The following NRG3 variants were observed in gnomAD, a reference collection of about 807,000 sequenced individuals.
NRG3 encodes neuregulin 3, also known as pro-neuregulin-3, membrane-bound isoform.
Under a neutral mutation model 66.9 loss-of-function variants are expected in NRG3, and 31 were observed. That is an observed-to-expected ratio of 0.46 (90% CI 0.35 to 0.63). The LOEUF is 0.63. Among genes scored for constraint, NRG3 ranks in the 20% least tolerant of loss-of-function variants. The pLI, the probability that NRG3 is intolerant of heterozygous loss-of-function variation, is 0.00. For missense variants in NRG3, 910 were observed against 878.9 expected, an observed-to-expected ratio of 1.04 and a Z score of -0.45; for synonymous variants, 393 against 359.4, an observed-to-expected ratio of 1.09 and a Z score of -1.06.
chr10:82,459,782 A>G (rs1319781649), intron 2 of NRG3, among the ~76,000 whole-genome samples: 1 of 152,228 alleles, frequency 6.6e-6, no homozygotes, highest in Non-Finnish European at 1.5e-5. Flanking sequence ...CATTTCTTTC[A>G]GGAGCTGGAA....
intron 1 of NRG3, among the ~76,000 whole-genome samples, chr10:82,093,697 A>G (rs2132021123): frequency 6.6e-6 from 1 of 152,310 alleles, no homozygotes; most frequent in Admixed American, 6.5e-5. Context: ...CCACCTCTTC[A>G]CTGGAGAATC....
intron 3 of NRG3, among the ~76,000 whole-genome samples, chr10:82,832,423 G>A (rs1376918318): frequency 6.6e-6 from 1 of 152,024 alleles, no homozygotes; most frequent in African/African-American, 2.4e-5. Flanking sequence ...TGTCCTCTAG[G>A]TGCCATCATT....
At chr10:82,928,627 A>T (rs1343869505) in intron 4 of NRG3, among the ~76,000 whole-genome samples, 2 of 43,668 alleles carry the variant, frequency 4.6e-5, no homozygotes, top group Admixed American at 2.3e-4. Flanking sequence ...TTTTTTTTTA[A>T]AAGTAAATCT....
At chr10:82,189,640 A>G (rs1309943200) in intron 1 of NRG3, among the ~76,000 whole-genome samples, 1 of 152,084 alleles carries the variant, frequency 6.6e-6, no homozygotes, top group Non-Finnish European at 1.5e-5. Context: ...AATACAAAAA[A>G]TTAGCCAGGT....
intron 1 of NRG3, among the ~76,000 whole-genome samples, chr10:82,062,884 A>G (rs936335986): frequency 2.0e-5 from 3 of 152,168 alleles, no homozygotes; most frequent in African/African-American, 7.2e-5. Context: ...TGCTAGAGCT[A>G]CTGAATCTGT....
At chr10:81,883,513 C>T (rs1008998940) in intron 1 of NRG3, among the ~76,000 whole-genome samples, 5 of 152,012 alleles carry the variant, frequency 3.3e-5, no homozygotes, top group Non-Finnish European at 5.9e-5. Context: ...AAGATTTTGT[C>T]TTTGAGGCCT....
At chr10:82,374,993 G>C (rs2085122882) in intron 2 of NRG3, among the ~76,000 whole-genome samples, 2 of 152,184 alleles carry the variant, frequency 1.3e-5, no homozygotes. Context: ...ATCCACGATG[G>C]TTTTAAAAGC....
At chr10:82,545,548 T>C (rs1475332986) in intron 2 of NRG3, among the ~76,000 whole-genome samples, 2 of 151,282 alleles carry the variant, frequency 1.3e-5, no homozygotes, top group Non-Finnish European at 2.9e-5. Context: ...CTGGCTAATT[T>C]CTTTTTGTAT....
At chr10:82,700,388 A>C (rs965813475) in intron 2 of NRG3, among the ~76,000 whole-genome samples, 3 of 152,196 alleles carry the variant, frequency 2.0e-5, no homozygotes, top group African/African-American at 7.2e-5. Context: ...ATGAGCCAAG[A>C]ATTTCCATCT....
chr10:81,922,291 T>A (rs889781988), intron 1 of NRG3, among the ~76,000 whole-genome samples: 7 of 152,196 alleles, frequency 4.6e-5, no homozygotes, highest in Admixed American at 1.3e-4. Flanking sequence ...CTTTTTTGAA[T>A]AACACAAGTG....
At chr10:82,269,274 C>T (rs868346904) in intron 1 of NRG3, among the ~76,000 whole-genome samples, 6 of 152,230 alleles carry the variant, frequency 3.9e-5, no homozygotes, top group Non-Finnish European at 8.8e-5. Flanking sequence ...TGAGCTTGCA[C>T]AGTGATAGTT....
At chr10:82,598,924 C>A (rs1195164865) in intron 2 of NRG3, among the ~76,000 whole-genome samples, 1 of 149,466 alleles carries the variant, frequency 6.7e-6, no homozygotes, top group East Asian at 1.9e-4. Context: ...GTGGCGCACA[C>A]CTGTAATCCC....
intron 1 of NRG3, among the ~76,000 whole-genome samples, chr10:82,330,484 A>G (rs1344812519): frequency 1.3e-5 from 2 of 152,184 alleles, no homozygotes; most frequent in Non-Finnish European, 2.9e-5. Flanking sequence ...ATGACTCCAA[A>G]TGTAATTTAC....
intron 2 of NRG3, among the ~76,000 whole-genome samples, chr10:82,406,559 C>A (rs1306988131): frequency 2.6e-5 from 4 of 152,140 alleles, no homozygotes; most frequent in African/African-American, 9.7e-5. Flanking sequence ...TCACACCTTG[C>A]CTTGCATTAT....
At chr10:82,765,950 G>T (rs908728123) in intron 3 of NRG3, among the ~76,000 whole-genome samples, 2 of 152,070 alleles carry the variant, frequency 1.3e-5, no homozygotes, top group African/African-American at 4.8e-5. Context: ...GTGTGTTTAA[G>T]GTTTTCATTG....
At chr10:82,325,814 C>A (rs1414012762) in intron 1 of NRG3, among the ~76,000 whole-genome samples, 1 of 152,112 alleles carries the variant, frequency 6.6e-6, no homozygotes, top group Non-Finnish European at 1.5e-5. Context: ...CCCTCCTCAT[C>A]TTTATGCTAC....
chr10:82,732,312 T>TAATTTACA lies in NRG3; in HGVS notation c.954-6261_954-6254dup, dbSNP rs1188130440. On this transcript the variant is annotated intron_variant, in intron 2 of 8. Coordinates refer to ENST00000372141, the MANE Select transcript of NRG3 (RefSeq NM_001010848.4). ...TTAAGAACATTTTTAGATTGGAGAA[T>TAATTTACA]AATTTACAAATCTAGGTCTTTCATT... 2.6e-5 allele frequency among the ~76,000 whole-genome samples: 4 copies of TAATTTACA among 152,298 alleles called. No individual in the cohort carries two copies. In the East Asian group the frequency reaches 7.7e-4, roughly 29 times the overall value.
chr10:82,333,965 G>A (rs981587480), intron 1 of NRG3, among the ~76,000 whole-genome samples: 9 of 151,922 alleles, frequency 5.9e-5, no homozygotes, highest in Non-Finnish European at 1.0e-4. Context: ...TGAGGCGGGC[G>A]GATCACGAGG....
chr10:82,025,379 T>TA (rs1014298329), intron 1 of NRG3, among the ~76,000 whole-genome samples: 1 of 151,622 alleles, frequency 6.6e-6, no homozygotes, highest in Non-Finnish European at 1.5e-5. Context: ...TTTAGTTTTT[T>TA]AAAAAAGTTT....
Sources: allele counts gnomAD v4.1 joint callset (sites outside exome capture counted in the v4.1 genomes callset), GRCh38; gene constraint gnomAD v4.1.1; transcripts MANE v1.5; gene names NCBI Gene and HGNC (gene_info 2026-07-23, HGNC 2026-07-21).